TLL1: variants seen among roughly 807,000 people sequenced by gnomAD.
TLL1 encodes the protein tolloid like 1, also known as tolloid-like protein 1.
In TLL1, 49 loss-of-function variants were observed where a neutral mutation model predicts 128.2. The observed-to-expected ratio is 0.38, with a 90% CI of 0.30 to 0.48. The LOEUF is 0.48. Among genes scored for constraint, TLL1 ranks in the 20% least tolerant of loss-of-function variants. The pLI is 0.96. For synonymous variants in TLL1, 454 were observed against 418.8 expected (o/e 1.08, Z -1.03); for missense variants, 1,123 against 1,242.0 (o/e 0.90, Z 1.44).
chr4:166,099,269 C>G lies in TLL1; in HGVS notation c.2657-8C>G. 2 of 1,613,338 alleles carry G rather than the reference C, an allele frequency of 1.2e-6. No individual in the cohort carries two copies. The highest frequency in any genetic ancestry group is 1.7e-6 in the Non-Finnish European group (2 of 1,179,544). ...ACCTTACTCATCTTATTTTTCTTTCCTGGGCAGAGTGTGGCGGACGATTGA... is the reference window on the plus strand; with the variant it reads ...ACCTTACTCATCTTATTTTTCTTTCGTGGGCAGAGTGTGGCGGACGATTGA... On this transcript the variant is annotated splice_region_variant and splice_polypyrimidine_tract_variant and intron_variant, in intron 19 of 20. Coordinates refer to ENST00000061240, the MANE Select transcript of TLL1 (RefSeq NM_012464.5).
Position 165,897,341 on chromosome 4 carries a change from A to G in TLL1, c.169+23268A>G, listed in dbSNP as rs117401766. Among the ~76,000 whole-genome samples the G allele has an allele frequency of 8.1e-3, 1,231 of 152,164 alleles. 60 individuals are homozygous for G. In the East Asian group the frequency reaches 0.13, roughly 16 times the overall value. The stretch of plus-strand genomic sequence containing the variant: ...AATGGTGTTGCTTAGGTTTTCTTCT[A>G]AGGTTTTTATGGATTAGGTTTTACA... On this transcript the variant is annotated intron_variant, in intron 1 of 20. Coordinates refer to ENST00000061240, the MANE Select transcript of TLL1 (RefSeq NM_012464.5).
chr4:165,991,778 G>A (rs1736646504), intron 2 of TLL1, among the ~76,000 whole-genome samples: 1 of 151,816 alleles, frequency 6.6e-6, no homozygotes, highest in South Asian at 2.1e-4. Flanking sequence ...TTGTCGTCGT[G>A]GAATTATAGC....
At chr4:166,058,707 T>C (rs535625533) in intron 14 of TLL1, among the ~76,000 whole-genome samples, 3 of 152,308 alleles carry the variant, frequency 2.0e-5, no homozygotes, top group South Asian at 2.1e-4. Context: ...AAAATTCATC[T>C]TCATAGAATG....
intron 16 of TLL1, among the ~76,000 whole-genome samples, chr4:166,066,281 A>G (rs566289019): frequency 1.5e-4 from 22 of 151,668 alleles, no homozygotes; most frequent in Non-Finnish European, 2.8e-4. Context: ...GGAAATTATA[A>G]TTTTACTAAA....
In TLL1 at chr4:165,989,478, T is replaced by C. The variant is rs1736535484; in HGVS notation, c.267T>C (p.Leu89=). 6.2e-7 allele frequency: 1 copy of C among 1,610,726 alleles called. No individual in the cohort carries two copies. Among genetic ancestry groups the C allele is most frequent in the East Asian group, 2.2e-5 (1 of 44,762 alleles). Residue 89 remains leucine (L), a synonymous_variant, in exon 2 of 21, where the codon CTT becomes CTC. Transcript: ENST00000061240. The part of the protein sequence containing the change: ...IDLTQNPFGN[L]GHTTGGLGDH... Reference sequence around the variant, plus strand: ...TTACGCAGAACCCCTTTGGAAACCTTGGACATACCACAGGTATGGTTGATT... The same window carrying C: ...TTACGCAGAACCCCTTTGGAAACCTCGGACATACCACAGGTATGGTTGATT...
chr4:166,094,169 C>T (rs1741912807), intron 19 of TLL1, among the ~76,000 whole-genome samples: 1 of 152,042 alleles, frequency 6.6e-6, no homozygotes, highest in African/African-American at 2.4e-5. Context: ...TTTGAATCCT[C>T]AAAAGAACTG....
intron 7 of TLL1, among the ~76,000 whole-genome samples, chr4:166,013,825 C>T (rs1488662743): frequency 1.3e-5 from 2 of 151,582 alleles, no homozygotes; most frequent in Admixed American, 1.3e-4. Context: ...ATTAGGTTTT[C>T]TTATTTACTA....
chr4:165,883,009 G>T (rs915273765), intron 1 of TLL1, among the ~76,000 whole-genome samples: 1 of 151,950 alleles, frequency 6.6e-6, no homozygotes, highest in African/African-American at 2.4e-5. Context: ...AAGAGTTAAC[G>T]CACAGAAAGA....
intron 6 of TLL1, among the ~76,000 whole-genome samples, chr4:166,004,946 T>G (rs1345245977): frequency 6.9e-6 from 1 of 145,884 alleles, no homozygotes; most frequent in Non-Finnish European, 1.5e-5. Flanking sequence ...AACTGGGTGG[T>G]GGCGGGGGGG....
intron 1 of TLL1, among the ~76,000 whole-genome samples, chr4:165,899,577 G>T (rs1020227873): frequency 6.6e-6 from 1 of 152,158 alleles, no homozygotes; most frequent in African/African-American, 2.4e-5. Context: ...CTGCACTGTG[G>T]TCTGAGAGAC....
chr4:166,087,420 C>T (rs1741574174), intron 18 of TLL1, among the ~76,000 whole-genome samples: 1 of 152,110 alleles, frequency 6.6e-6, no homozygotes, highest in Admixed American at 6.6e-5. Context: ...GAGGTTTGTA[C>T]TCCATGACGC....
chr4:165,947,014 G>C (rs1348940462), intron 1 of TLL1, among the ~76,000 whole-genome samples: 1 of 152,076 alleles, frequency 6.6e-6, no homozygotes, highest in South Asian at 2.1e-4. Flanking sequence ...AAAATACTGA[G>C]AGTATTACCT....
At chr4:166,076,972 C>T (rs72976330) in intron 17 of TLL1, among the ~76,000 whole-genome samples, 4,039 of 152,080 alleles carry the variant, frequency 0.027, 164 homozygotes, top group African/African-American at 0.083. Context: ...TGTGTGGCCC[C>T]GAAGGGTATA....
At chr4:166,071,210 A>G (rs185424873) in intron 16 of TLL1, among the ~76,000 whole-genome samples, 238 of 151,932 alleles carry the variant, frequency 1.6e-3, no homozygotes, top group Non-Finnish European at 2.5e-3. Context: ...CAAAGAGAAA[A>G]TTTTTATTTT....
At chr4:165,889,212 T>G (rs1731290051) in intron 1 of TLL1, among the ~76,000 whole-genome samples, 2 of 152,230 alleles carry the variant, frequency 1.3e-5, no homozygotes, top group African/African-American at 4.8e-5. Context: ...TTAGATGTTA[T>G]GATGATTAAA....
chr4:165,896,106 C>T (rs377558937), intron 1 of TLL1, among the ~76,000 whole-genome samples: 6 of 152,010 alleles, frequency 3.9e-5, no homozygotes, highest in East Asian at 1.9e-4. Flanking sequence ...CAAGAGGCCC[C>T]GGTGTGTGAT....
intron 1 of TLL1, among the ~76,000 whole-genome samples, chr4:165,931,592 A>G (rs370455468): frequency 1.5e-3 from 234 of 152,014 alleles, no homozygotes; most frequent in African/African-American, 4.8e-3. Context: ...GGTGGTGGGC[A>G]CCTGTAGTCC....
At chr4:165,977,381 G>A (rs1735936714) in intron 1 of TLL1, among the ~76,000 whole-genome samples, 1 of 152,156 alleles carries the variant, frequency 6.6e-6, no homozygotes, top group Non-Finnish European at 1.5e-5. Flanking sequence ...TGTAAGATGT[G>A]CTTGCTTTCC....
At chr4:166,016,867 A>G (rs974696130) in intron 8 of TLL1, among the ~76,000 whole-genome samples, 2 of 151,964 alleles carry the variant, frequency 1.3e-5, no homozygotes, top group Non-Finnish European at 2.9e-5. Flanking sequence ...CTGTATATAT[A>G]TCTTTTAGTG....
Sources: gnomAD v4.1 joint callset for allele counts (sites outside exome capture counted in the v4.1 genomes callset) on GRCh38, gnomAD v4.1.1 for gene constraint, MANE v1.5 for transcripts, NCBI Gene and HGNC (gene_info 2026-07-23, HGNC 2026-07-21) for gene names.